Variants in UNC13A observed in about 807,000 individuals in gnomAD.
UNC13A encodes the protein unc-13 homolog A.
A neutral mutation model predicts 219.7 loss-of-function variants in UNC13A; 61 were observed. That is an observed-to-expected ratio of 0.28 (90% CI 0.23 to 0.34). The LOEUF (loss-of-function observed/expected upper bound fraction) is 0.34. UNC13A is among the 10% of genes least tolerant of loss of function. The probability of loss-of-function intolerance (pLI) is 1.00; values close to 1 mark genes in which losing one functional copy is unlikely to be tolerated. For synonymous variants in UNC13A, 920 were observed against 884.6 expected (o/e 1.04, Z -0.71); for missense variants, 1,476 against 2,270.3 (o/e 0.65, Z 7.11).
At chr19:17,625,266 T>G (rs2076770622) in intron 34 of UNC13A, among the ~76,000 whole-genome samples, 1 of 152,054 alleles carries the variant, frequency 6.6e-6, no homozygotes. Context: ...CTTTCATGTT[T>G]GAAAGAACAG....
In UNC13A at chr19:17,639,106, T is replaced by A; in HGVS notation, c.3058A>T (p.Ser1020Cys). Residue 1020 changes from serine to cysteine, a missense_variant, in exon 25 of 44, where the codon AGC becomes TGC. By Grantham distance (112) the Ser-to-Cys change is moderately radical. Coordinates refer to ENST00000519716, the MANE Select transcript of UNC13A (RefSeq NM_001080421.3). The stretch of plus-strand genomic sequence containing the variant: ...ACCGGGTCTGTCTGGTACTCCCGGC[T>A]GTACAGTTCATGGCAGTTATTGAAG... ...YIFNNCHELYSREYQTDPAKK... is the reference protein window; with the variant it reads ...YIFNNCHELYCREYQTDPAKK... 1 of 1,608,744 alleles carries A rather than the reference T, an allele frequency of 6.2e-7. No individual in the cohort carries two copies. The highest frequency in any genetic ancestry group is 8.5e-7 in the Non-Finnish European group (1 of 1,177,580).
intron 11 of UNC13A, 144 bp downstream of exon 11, chr19:17,655,130 G>C (rs974216002): frequency 1.5e-5 from 11 of 725,644 alleles, no homozygotes; most frequent in Non-Finnish European, 2.7e-5. Context: ...GCACTGCACT[G>C]GGCATGCCCA....
rs756154713 is a variant in UNC13A, at chr19:17,645,856, G to C, written c.2187-13C>G. Reference sequence around the variant, plus strand: ...ATTGTGACATTCACTGTGGCGGGAGGAGGAGGCAGAGGCAGGGGTCAGGCA... The same window carrying C: ...ATTGTGACATTCACTGTGGCGGGAGCAGGAGGCAGAGGCAGGGGTCAGGCA... On this transcript the variant is annotated splice_polypyrimidine_tract_variant and intron_variant, in intron 18 of 43. Transcript: ENST00000519716. The C allele has an allele frequency of 2.9e-5, 47 of 1,596,882 alleles. 1 individual carries two copies. In the South Asian group the frequency reaches 4.9e-4, roughly 17 times the overall value.
chr19:17,687,828 A>G (rs371525787), intron 1 of UNC13A, among the ~76,000 whole-genome samples: 25 of 152,056 alleles, frequency 1.6e-4, no homozygotes, highest in African/African-American at 5.3e-4. Flanking sequence ...TACCGAGCCC[A>G]GACTCTTCCT....
chr19:17,644,408 C>G (rs1019453480), intron 19 of UNC13A, among the ~76,000 whole-genome samples: 1 of 150,250 alleles, frequency 6.7e-6, no homozygotes, highest in Non-Finnish European at 1.5e-5. Context: ...AGGCTGGTCT[C>G]GAACTCCTGG....
intron 1 of UNC13A, 58 bp from the exon 2 acceptor site, chr19:17,676,099 G>A: frequency 6.6e-7 from 1 of 1,513,274 alleles, no homozygotes; most frequent in Non-Finnish European, 9.0e-7. Context: ...GGAGGAGGAG[G>A]CAGAGATACG....
chr19:17,639,245 G>A, intron 24 of UNC13A, 28 bp from the exon 25 acceptor site: 1 of 1,612,908 alleles, frequency 6.2e-7, no homozygotes, highest in Non-Finnish European at 8.5e-7. Context: ...GGCATAGGCG[G>A]CCACAGCTGT....
intron 7 of UNC13A, among the ~76,000 whole-genome samples, chr19:17,665,215 GAGA>G (rs1249213211): frequency 3.0e-5 from 4 of 134,120 alleles, no homozygotes; most frequent in Admixed American, 7.4e-5. Context: ...AAAAAAAAAA[GAGA>G]AGAAGAAAAG....
At chr19:17,670,636 A>T (rs1266191936) in intron 4 of UNC13A, among the ~76,000 whole-genome samples, 2 of 151,822 alleles carry the variant, frequency 1.3e-5, no homozygotes, top group African/African-American at 4.8e-5. Context: ...AGGTGCGGTG[A>T]CTCACACCTG....
Position 17,620,608 on chromosome 19 carries a change from G to A in UNC13A, c.4272+85C>T, listed in dbSNP as rs1259537888. 7.7e-6 allele frequency: 9 copies of A among 1,162,338 alleles called. No individual in the cohort carries two copies. The East Asian group carries it at 2.2e-4, about 28-fold the overall frequency. The allele number at this position is 1,162,338 out of a possible 1,614,324, so 72.0% of individuals were successfully genotyped here. A position where few individuals can be genotyped will look rare whatever the true frequency, so the allele number is the denominator to read the frequency against. The stretch of plus-strand genomic sequence containing the variant: ...TTCACAGTACGCCCTCGGACGGCAC[G>A]AACCACAGAGGTGGAAGGGGGCACA... On this transcript the variant is annotated intron_variant, in intron 38 of 43. Coordinates refer to ENST00000519716, the MANE Select transcript of UNC13A (RefSeq NM_001080421.3).
intron 1 of UNC13A, chr19:17,676,263 A>G: frequency 1.5e-6 from 1 of 670,106 alleles, no homozygotes; most frequent in African/African-American, 1.8e-5. Context: ...GGTAGGAAAG[A>G]GGAGGCAGGG....
intron 3 of UNC13A, among the ~76,000 whole-genome samples, chr19:17,672,832 G>A (rs931327935): frequency 7.9e-5 from 12 of 152,134 alleles, no homozygotes. Context: ...GTGAGGAAGA[G>A]GCTCAAATAC....
chr19:17,617,591 TC>T, intron 41 of UNC13A, 110 bp downstream of exon 41: 1 of 1,476,476 alleles, frequency 6.8e-7, no homozygotes, highest in Non-Finnish European at 9.3e-7. Context: ...AGATGTCAAT[TC>T]CGCCCCATCC....
rs766031011 is a variant in UNC13A at position 17,627,821 on chromosome 19, G to A, written c.3831+42C>T. 1.3e-6 allele frequency: 2 copies of A among 1,556,326 alleles called. No homozygotes were observed. Among genetic ancestry groups the A allele is most frequent in the South Asian group, 1.1e-5 (1 of 87,748 alleles). ...GGCCTGCAGGGACACAGTGGTGGGG[G>A]TGCCCCATCCCTTCTCCAGCCCTGC... On this transcript the variant is annotated intron_variant, in intron 32 of 43. Transcript: ENST00000519716. This position sits in a 1 kb window ranked among gnomAD's most constrained non-coding sequence, Gnocchi z 4.7.
At chr19:17,678,675 T>C (rs1471315094) in intron 1 of UNC13A, among the ~76,000 whole-genome samples, 2 of 151,716 alleles carry the variant, frequency 1.3e-5, no homozygotes, top group African/African-American at 4.8e-5. Flanking sequence ...TGAAAGAGGC[T>C]CAGGAACACT....
chr19:17,607,710 G>C (rs986327054), intron 43 of UNC13A, among the ~76,000 whole-genome samples: 2 of 151,174 alleles, frequency 1.3e-5, no homozygotes, highest in African/African-American at 4.9e-5. Flanking sequence ...CAGCCTCCCA[G>C]GTAGCTGGGA....
intron 34 of UNC13A, 110 bp downstream of exon 34, chr19:17,626,523 G>C: frequency 5.6e-6 from 7 of 1,254,854 alleles, no homozygotes; most frequent in Non-Finnish European, 7.4e-6. Context: ...CAACTATCCA[G>C]TGACCACCCA....
rs1371257237 is a variant in UNC13A at position 17,663,702 on chromosome 19, C to T, written c.524-135G>A. The T allele has an allele frequency of 3.6e-6, 3 of 830,932 alleles. No individual in the cohort carries two copies. The African/African-American group carries it at 5.1e-5, about 14-fold the overall frequency. 51.5% of individuals were successfully genotyped at this position (830,932 alleles called of 1,614,324 possible). A position where few individuals can be genotyped will look rare whatever the true frequency, so the allele number is the denominator to read the frequency against. ...AAGTCCCTCTTGTCCTGAGTACCTT[C>T]CCTGAGTATCACCTTCATTGCTGAC... On this transcript the variant is annotated intron_variant, in intron 7 of 43. Transcript: ENST00000519716.
intron 1 of UNC13A, 141 bp downstream of exon 1, chr19:17,688,037 C>T (rs1263232332): frequency 3.7e-6 from 4 of 1,087,404 alleles, no homozygotes; most frequent in Non-Finnish European, 5.0e-6. Context: ...CCAGCTGCGT[C>T]GACAAGGGCT....
Sources: allele counts gnomAD v4.1 joint callset (sites outside exome capture counted in the v4.1 genomes callset), GRCh38; gene constraint gnomAD v4.1.1; non-coding constraint Gnocchi (gnomAD v3.1); transcripts MANE v1.5; gene names NCBI Gene and HGNC (gene_info 2026-07-23, HGNC 2026-07-21).